The following EPB41L5 variants were observed in gnomAD, a reference collection of about 807,000 sequenced individuals.
EPB41L5 encodes the protein erythrocyte membrane protein band 4.1 like 5.
EPB41L5 carries 55 observed loss-of-function variants against 106.6 expected under a neutral mutation model. That is an observed-to-expected ratio of 0.52 (90% CI 0.42 to 0.65). The LOEUF is 0.65. Among genes scored for constraint, EPB41L5 ranks in the 30% least tolerant of loss-of-function variants. The probability of loss-of-function intolerance (pLI) is 0.00; values close to 1 mark genes in which losing one functional copy is unlikely to be tolerated. For missense variants in EPB41L5, 871 were observed against 882.1 expected (o/e 0.99, Z 0.16); for synonymous variants, 297 against 306.7 (o/e 0.97, Z 0.33).
chr2:120,070,885 T>G (rs1188458188), intron 3 of EPB41L5, among the ~76,000 whole-genome samples: 1 of 152,200 alleles, frequency 6.6e-6, no homozygotes, highest in Non-Finnish European at 1.5e-5. Context: ...AATATCATAC[T>G]GAATGGGCAA....
chr2:120,131,355 C>G (rs1286558649), intron 17 of EPB41L5, among the ~76,000 whole-genome samples: 1 of 152,134 alleles, frequency 6.6e-6, no homozygotes, highest in Non-Finnish European at 1.5e-5. Flanking sequence ...ACCACACATG[C>G]TAGGGAGATT....
At chr2:120,107,407 C>T (rs1404227166) in intron 16 of EPB41L5, among the ~76,000 whole-genome samples, 3 of 152,084 alleles carry the variant, frequency 2.0e-5, no homozygotes, top group African/African-American at 4.8e-5. Flanking sequence ...GTCTCAATAA[C>T]GTTTTCTCTC....
chr2:120,073,492 A>AT (rs1258029719), intron 4 of EPB41L5, among the ~76,000 whole-genome samples: 1 of 152,166 alleles, frequency 6.6e-6, no homozygotes, highest in South Asian at 2.1e-4. Flanking sequence ...CTTAATGGTT[A>AT]TTTTTTAATT....
chr2:120,140,555 C>T (rs1243355111), intron 18 of EPB41L5, among the ~76,000 whole-genome samples: 1 of 151,886 alleles, frequency 6.6e-6, no homozygotes, highest in African/African-American at 2.4e-5. Flanking sequence ...AGTTGAGCCC[C>T]CCGATCTGAA....
chr2:120,147,639 A>C (rs1686468270), intron 20 of EPB41L5, among the ~76,000 whole-genome samples: 1 of 151,662 alleles, frequency 6.6e-6, no homozygotes, highest in African/African-American at 2.4e-5. Context: ...AAAAAAAAAA[A>C]AAAAAAAGGA....
Position 120,083,854 on chromosome 2 carries a change from A to G in EPB41L5, c.804-3317A>G, listed in dbSNP as rs542147839. On this transcript the variant is annotated intron_variant, in intron 10 of 24. Coordinates refer to ENST00000263713, the MANE Select transcript of EPB41L5 (RefSeq NM_020909.4). ...GAATTGATCTCTTTACCATTATGTA[A>G]TGGCCTTCTTTGTCTCTTTTGATCT... is the stretch of plus-strand genomic sequence containing the variant. Among the ~76,000 whole-genome samples the G allele has an allele frequency of 2.3e-4, 35 of 152,272 alleles. No homozygotes were observed. The South Asian group carries it at 6.6e-3, about 29-fold the overall frequency.
At chr2:120,115,636 T>TC (rs1684914313) in intron 16 of EPB41L5, among the ~76,000 whole-genome samples, 1 of 152,056 alleles carries the variant, frequency 6.6e-6, no homozygotes, top group East Asian at 1.9e-4. Flanking sequence ...GTGATCCGCC[T>TC]GCCTCGGCCT....
intron 16 of EPB41L5, among the ~76,000 whole-genome samples, chr2:120,124,675 A>G (rs1029895818): frequency 6.6e-6 from 1 of 152,160 alleles, no homozygotes; most frequent in African/African-American, 2.4e-5. Context: ...ATGTTTCAAT[A>G]CCTTGTATAG....
At chr2:120,162,950 A>G (rs1687197711) in intron 21 of EPB41L5, among the ~76,000 whole-genome samples, 1 of 152,212 alleles carries the variant, frequency 6.6e-6, no homozygotes, top group African/African-American at 2.4e-5. Context: ...GCATATAAGC[A>G]GAAATGGAAA....
At position 120,165,043 on chromosome 2, in the gene EPB41L5, C is replaced by T. The variant is rs1320174358; in HGVS notation, c.1962+133C>T. On this transcript the variant is annotated intron_variant, in intron 22 of 24. Transcript: ENST00000263713. Reference sequence around the variant, plus strand: ...TGATAAGAGTTTATGTTTTAATAACCACTTAGCATTGCCTCTCTGTCCTAA... The same window carrying T: ...TGATAAGAGTTTATGTTTTAATAACTACTTAGCATTGCCTCTCTGTCCTAA... 5 of 639,570 alleles carry T rather than the reference C, an allele frequency of 7.8e-6. No homozygotes were observed. In the Admixed American group the frequency reaches 1.7e-4, roughly 22 times the overall value. 39.6% of individuals were successfully genotyped at this position (639,570 alleles called of 1,614,324 possible).
rs759526861 is a variant in EPB41L5 at position 120,032,794 on chromosome 2, T to C, written c.181-9212T>C. Among the ~76,000 whole-genome samples, 14 of 152,266 alleles carry C rather than the reference T, an allele frequency of 9.2e-5. No individual in the cohort carries two copies. The South Asian group carries it at 1.0e-3, about 11-fold the overall frequency. On this transcript the variant is annotated intron_variant, in intron 2 of 24. Transcript: ENST00000263713. Reference sequence around the variant, plus strand: ...CCCTCATTTCTTTAGCATTTTGTTATACTGTAAGAGTAACATTCACATTTA... The same window carrying C: ...CCCTCATTTCTTTAGCATTTTGTTACACTGTAAGAGTAACATTCACATTTA...
At position 120,127,672 on chromosome 2, in the gene EPB41L5, T is replaced by G; in HGVS notation, c.1338-16T>G. ...TAAATTTCTTGGTCTAAGTAAATTT[T>G]CTATTTCCATTGCAGCATTCCTCTG... On this transcript the variant is annotated splice_polypyrimidine_tract_variant and intron_variant, in intron 16 of 24. Coordinates refer to ENST00000263713, the MANE Select transcript of EPB41L5 (RefSeq NM_020909.4). The G allele has an allele frequency of 6.4e-7, 1 of 1,556,548 alleles. No homozygotes were observed. The highest frequency in any genetic ancestry group is 8.8e-7 in the Non-Finnish European group (1 of 1,141,694).
intron 2 of EPB41L5, among the ~76,000 whole-genome samples, chr2:120,021,015 G>C (rs1472702870): frequency 6.6e-6 from 1 of 152,152 alleles, no homozygotes; most frequent in Non-Finnish European, 1.5e-5. Context: ...TAGTGAAACA[G>C]CTGGAGATAT....
At position 120,100,720 on chromosome 2, in the gene EPB41L5, C is replaced by G. The variant is rs762996512; in HGVS notation, c.1243C>G (p.Leu415Val). The change falls in exon 16 of 25, where the codon CTG (leucine) becomes GTG (valine). Residue 415 changes from leucine (L) to valine (V), a missense_variant. Transcript: ENST00000263713. Reference protein sequence around the residue: ...SQQAWGMRSALPVSPSISSAP... With the variant: ...SQQAWGMRSAVPVSPSISSAP... Reference sequence around the variant, plus strand: ...AAAGGCTTGGGGGATGAGATCTGCTCTGCCTGTGAGTCCTTCCATTTCCTC... The same window carrying G: ...AAAGGCTTGGGGGATGAGATCTGCTGTGCCTGTGAGTCCTTCCATTTCCTC... 3 of 1,613,768 alleles carry G rather than the reference C, an allele frequency of 1.9e-6. No individual in the cohort carries two copies. The highest frequency in any genetic ancestry group is 2.7e-5 in the African/African-American group (2 of 74,900).
chr2:120,134,206 A>C (rs962112225), intron 18 of EPB41L5, among the ~76,000 whole-genome samples: 3 of 151,904 alleles, frequency 2.0e-5, no homozygotes, highest in Non-Finnish European at 2.9e-5. Flanking sequence ...CTTCTGCTTG[A>C]GGAAAGGAGA....
chr2:120,151,610 CTTTTTTTTTTTT>C (rs529496809), intron 20 of EPB41L5, among the ~76,000 whole-genome samples: 2 of 116,816 alleles, frequency 1.7e-5, no homozygotes, highest in Admixed American at 8.2e-5. Flanking sequence ...GCGTCTGGCC[CTTTTTTTTTTTT>C]TTTTTTTTTT....
intron 3 of EPB41L5, among the ~76,000 whole-genome samples, chr2:120,049,149 G>C (rs935879041): frequency 6.6e-6 from 1 of 152,186 alleles, no homozygotes. Flanking sequence ...CTGATTTGGG[G>C]TGGAGAGTTC....
At position 120,174,761 on chromosome 2, in the gene EPB41L5, G is replaced by A. The variant is rs113851453; in HGVS notation, c.2136-80G>A. On this transcript the variant is annotated intron_variant, in intron 24 of 24. Transcript: ENST00000263713. ...ATCTGCTGTACCCTCAAAATGCTCT[G>A]TGTGGCACTAATGGAGACATGAATG... is the stretch of plus-strand genomic sequence containing the variant. The A allele has an allele frequency of 9.9e-5, 118 of 1,197,834 alleles. No homozygotes were observed. The African/African-American group carries it at 1.4e-3, about 14-fold the overall frequency. 74.2% of individuals were successfully genotyped at this position (1,197,834 alleles called of 1,614,324 possible).
rs554871376 is a variant in EPB41L5 at position 120,112,678 on chromosome 2, G to A, written c.1337+11864G>A. On this transcript the variant is annotated intron_variant, in intron 16 of 24. Coordinates refer to ENST00000263713, the MANE Select transcript of EPB41L5 (RefSeq NM_020909.4). Reference sequence around the variant, plus strand: ...AAAGAAAATTCTAAAGTAGCTAAGTGCAAGGTGTAGTCCAGGAATGATGAA... The same window carrying A: ...AAAGAAAATTCTAAAGTAGCTAAGTACAAGGTGTAGTCCAGGAATGATGAA... 1.2e-4 allele frequency among the ~76,000 whole-genome samples: 18 copies of A among 152,300 alleles called. No individual in the cohort carries two copies. The South Asian group carries it at 3.7e-3, about 32-fold the overall frequency.
Sources: gnomAD v4.1 joint callset for allele counts (sites outside exome capture counted in the v4.1 genomes callset) on GRCh38, gnomAD v4.1.1 for gene constraint, MANE v1.5 for transcripts, NCBI Gene and HGNC (gene_info 2026-07-23, HGNC 2026-07-21) for gene names.